BTNL8: variants seen among roughly 807,000 people sequenced by gnomAD.
BTNL8 encodes the protein butyrophilin like 8.
In BTNL8, 22 loss-of-function variants were observed where a neutral mutation model predicts 36.1. That is an observed-to-expected ratio of 0.61 (90% CI 0.44 to 0.87). BTNL8 has a LOEUF of 0.87. Among genes scored for constraint, BTNL8 ranks in the 40% least tolerant of loss-of-function variants. BTNL8 has a pLI of 0.00. For missense variants in BTNL8, 526 were observed against 616.9 expected (o/e 0.85, Z 1.56); for synonymous variants, 203 against 235.6 (o/e 0.86, Z 1.27).
At chr5:180,921,660 TACAC>T (rs201708722) in intron 3 of BTNL8, among the ~76,000 whole-genome samples, 3,441 of 146,228 alleles carry the variant, frequency 0.024, 92 homozygotes, top group African/African-American at 0.07. Flanking sequence ...CTGCTCATAC[TACAC>T]ACACACACAC....
At chr5:180,938,872 G>A (rs550818927) in intron 3 of BTNL8, among the ~76,000 whole-genome samples, 7 of 151,982 alleles carry the variant, frequency 4.6e-5, no homozygotes, top group Admixed American at 3.3e-4. Flanking sequence ...GATATTCTTC[G>A]GAAATAAAGA....
At chr5:180,943,609 T>C (rs1462370590) in intron 3 of BTNL8, among the ~76,000 whole-genome samples, 1 of 152,204 alleles carries the variant, frequency 6.6e-6, no homozygotes, top group East Asian at 1.9e-4. Flanking sequence ...CAATTGTTGA[T>C]GTGGAGAAGA....
chr5:180,899,425 A>G (rs547414606), intron 1 of BTNL8, 66 bp downstream of exon 1: 1 of 1,525,572 alleles, frequency 6.6e-7, no homozygotes, highest in African/African-American at 1.4e-5. Flanking sequence ...CAATGGTTGC[A>G]GCATAATGGA....
intron 3 of BTNL8, among the ~76,000 whole-genome samples, chr5:180,918,044 G>T (rs1261660529): frequency 7.4e-6 from 1 of 134,604 alleles, no homozygotes; most frequent in Non-Finnish European, 1.6e-5. Flanking sequence ...AAAAAAAAAA[G>T]AAATAAACAA....
At chr5:180,912,969 T>C (rs1483557752) in intron 3 of BTNL8, among the ~76,000 whole-genome samples, 1 of 152,196 alleles carries the variant, frequency 6.6e-6, no homozygotes, top group African/African-American at 2.4e-5. Flanking sequence ...AAAGCTTCCA[T>C]GAGTGCCCTG....
chr5:180,937,004 C>T (rs1758681891), intron 3 of BTNL8, among the ~76,000 whole-genome samples: 1 of 152,216 alleles, frequency 6.6e-6, no homozygotes, highest in Non-Finnish European at 1.5e-5. Flanking sequence ...AGGACTGGCG[C>T]ACTCAGCACC....
At chr5:180,934,496 G>T (rs1465510658) in intron 3 of BTNL8, among the ~76,000 whole-genome samples, 1 of 152,240 alleles carries the variant, frequency 6.6e-6, no homozygotes, top group African/African-American at 2.4e-5. Flanking sequence ...GCACAGAGCA[G>T]TGAGGAGTGC....
intron 1 of BTNL8, among the ~76,000 whole-genome samples, chr5:180,905,156 T>C (rs1582006385): frequency 6.6e-6 from 1 of 151,074 alleles, no homozygotes; most frequent in Admixed American, 6.6e-5. Flanking sequence ...CATCTGGTCC[T>C]GGACTCTTTT....
chr5:180,921,187 T>C lies in BTNL8; in HGVS notation c.673+9573T>C, dbSNP rs563102228. On this transcript the variant is annotated intron_variant, in intron 3 of 7. Transcript: ENST00000340184. ...CAGCAATCCTGCTTCCGTGCATTTA[T>C]CCAAAAGAATTGAAGTCAGGATTTC... 1.3e-4 allele frequency among the ~76,000 whole-genome samples: 20 copies of C among 152,198 alleles called. No homozygotes were observed. In the South Asian group the frequency reaches 3.7e-3, roughly 28 times the overall value.
intron 3 of BTNL8, 48 bp from the exon 4 acceptor site, chr5:180,947,459 AATTGT>A: frequency 6.3e-7 from 1 of 1,595,322 alleles, no homozygotes; most frequent in African/African-American, 1.3e-5. Context: ...AGAAGAATTG[AATTGT>A]GTCTTTTGTT....
At chr5:180,922,267 C>A (rs1299680092) in intron 3 of BTNL8, among the ~76,000 whole-genome samples, 1 of 151,848 alleles carries the variant, frequency 6.6e-6, no homozygotes, top group Non-Finnish European at 1.5e-5. Flanking sequence ...TTCTCTAGTT[C>A]TTTTAGTTGT....
chr5:180,910,233 C>T (rs1190342310), intron 2 of BTNL8, among the ~76,000 whole-genome samples: 1 of 148,250 alleles, frequency 6.7e-6, no homozygotes, highest in East Asian at 2.0e-4. Context: ...CTGGCAGGAC[C>T]AGGTGAAAGC....
chr5:180,908,055 A>AGCTTCCCCG (rs1227950197), intron 1 of BTNL8, among the ~76,000 whole-genome samples: 1 of 151,940 alleles, frequency 6.6e-6, no homozygotes, highest in Admixed American at 6.6e-5. Flanking sequence ...ACCCAGTTGG[A>AGCTTCCCCG]GCTGCTTTGT....
At chr5:180,906,426 G>A (rs1757089533) in intron 1 of BTNL8, among the ~76,000 whole-genome samples, 1 of 121,526 alleles carries the variant, frequency 8.2e-6, no homozygotes, top group East Asian at 2.3e-4. Flanking sequence ...CTCTGCACGT[G>A]AGATGGGTTT....
chr5:180,918,027 T>TG (rs1757718877), intron 3 of BTNL8, among the ~76,000 whole-genome samples: 1 of 88,058 alleles, frequency 1.1e-5, no homozygotes, highest in Non-Finnish European at 2.2e-5. Flanking sequence ...AGATTCTGTC[T>TG]CAAAAAAAAA....
intron 3 of BTNL8, among the ~76,000 whole-genome samples, chr5:180,921,007 T>C (rs1757838842): frequency 6.6e-6 from 1 of 151,994 alleles, no homozygotes; most frequent in Non-Finnish European, 1.5e-5. Context: ...AGTATGCAGA[T>C]TCCTTAAAAA....
At chr5:180,932,509 G>T (rs1280839684) in intron 3 of BTNL8, among the ~76,000 whole-genome samples, 1 of 152,060 alleles carries the variant, frequency 6.6e-6, no homozygotes, top group Non-Finnish European at 1.5e-5. Context: ...ACCATGCCTG[G>T]CTAATTTTTT....
At chr5:180,948,518 T>C in intron 5 of BTNL8, 143 bp downstream of exon 5, 1 of 1,606,008 alleles carries the variant, frequency 6.2e-7, no homozygotes, top group Non-Finnish European at 8.5e-7. Context: ...GCTCGCTCTC[T>C]CCATCCACTG....
chr5:180,937,744 C>A (rs1758726105), intron 3 of BTNL8, among the ~76,000 whole-genome samples: 1 of 152,006 alleles, frequency 6.6e-6, no homozygotes, highest in Non-Finnish European at 1.5e-5. Context: ...AAATATGACA[C>A]CTCCAAAGGA....
Sources: gnomAD v4.1 joint callset for allele counts (sites outside exome capture counted in the v4.1 genomes callset) on GRCh38, gnomAD v4.1.1 for gene constraint, MANE v1.5 for transcripts, NCBI Gene and HGNC (gene_info 2026-07-23, HGNC 2026-07-21) for gene names.